DLG2: variants seen among roughly 807,000 people sequenced by gnomAD.
DLG2 encodes discs large MAGUK scaffold protein 2.
A neutral mutation model predicts 132.5 loss-of-function variants in DLG2; 45 were observed. The ratio of observed to expected loss-of-function variants is 0.34; its 90% confidence interval spans 0.27 to 0.44. The LOEUF (loss-of-function observed/expected upper bound fraction) is 0.44, where lower values mean the gene tolerates loss of function less well. DLG2 is among the 20% of genes least tolerant of loss of function. The pLI, the probability that DLG2 is intolerant of heterozygous loss-of-function variation, is 1.00. For synonymous variants in DLG2, 424 were observed against 419.6 expected (o/e 1.01, Z -0.13); for missense variants, 1,045 against 1,196.9 (o/e 0.87, Z 1.87).
At chr11:84,960,164 G>A (rs2052342135) in intron 6 of DLG2, among the ~76,000 whole-genome samples, 1 of 152,168 alleles carries the variant, frequency 6.6e-6, no homozygotes, top group Admixed American at 6.5e-5. Flanking sequence ...GTGGGGATTT[G>A]AACCTACTTC....
At chr11:85,238,323 A>C (rs1236380478) in intron 4 of DLG2, among the ~76,000 whole-genome samples, 2 of 150,452 alleles carry the variant, frequency 1.3e-5, no homozygotes, top group Non-Finnish European at 3.0e-5. Context: ...GGCTCACTGC[A>C]ACCTCTCCCT....
At chr11:85,270,245 G>A (rs1472979876) in intron 4 of DLG2, among the ~76,000 whole-genome samples, 2 of 152,152 alleles carry the variant, frequency 1.3e-5, no homozygotes, top group African/African-American at 4.8e-5. Context: ...TCATGATAGT[G>A]AATAAGTCTC....
At chr11:84,484,591 A>G (rs929125620) in intron 7 of DLG2, among the ~76,000 whole-genome samples, 7 of 152,184 alleles carry the variant, frequency 4.6e-5, no homozygotes, top group African/African-American at 1.7e-4. Flanking sequence ...TAAAATTAAT[A>G]AACTCTAGTA....
chr11:84,693,843 T>A (rs938740704), intron 6 of DLG2, among the ~76,000 whole-genome samples: 1 of 151,722 alleles, frequency 6.6e-6, no homozygotes, highest in Non-Finnish European at 1.5e-5. Flanking sequence ...TCTTCTTGAC[T>A]ACTACTCATC....
intron 3 of DLG2, among the ~76,000 whole-genome samples, chr11:85,583,600 G>T (rs1028151537): frequency 1.3e-5 from 2 of 152,152 alleles, no homozygotes; most frequent in African/African-American, 4.8e-5. Context: ...TGATGTAAAA[G>T]TGAAATGTTT....
At chr11:84,798,173 G>A (rs1377575742) in intron 6 of DLG2, among the ~76,000 whole-genome samples, 2 of 152,076 alleles carry the variant, frequency 1.3e-5, no homozygotes, top group African/African-American at 4.8e-5. Context: ...ACCACTGCTT[G>A]GCTACCACCT....
At chr11:85,354,380 G>C (rs930317785) in intron 3 of DLG2, among the ~76,000 whole-genome samples, 1 of 151,948 alleles carries the variant, frequency 6.6e-6, no homozygotes, top group Non-Finnish European at 1.5e-5. Context: ...TCAAAACTCA[G>C]ATATACGACA....
intron 18 of DLG2, among the ~76,000 whole-genome samples, chr11:83,686,681 T>A (rs543751758): frequency 6.6e-6 from 1 of 152,344 alleles, no homozygotes; most frequent in South Asian, 2.1e-4. Context: ...CCCTACATTA[T>A]AAATTTCTCA....
intron 7 of DLG2, among the ~76,000 whole-genome samples, chr11:84,528,954 A>C (rs775905733): frequency 6.6e-5 from 10 of 152,210 alleles, no homozygotes; most frequent in Non-Finnish European, 1.0e-4. Context: ...TGAGAGCCTC[A>C]TGTGCCTCCA....
intron 8 of DLG2, among the ~76,000 whole-genome samples, chr11:84,213,743 C>G (rs1464973195): frequency 6.7e-6 from 1 of 148,700 alleles, no homozygotes; most frequent in African/African-American, 2.5e-5. Context: ...GGCGTGAACC[C>G]GAGAGGCGGA....
At chr11:84,624,830 A>T (rs1371020080) in intron 6 of DLG2, among the ~76,000 whole-genome samples, 1 of 142,874 alleles carries the variant, frequency 7.0e-6, no homozygotes, top group Admixed American at 6.9e-5. Context: ...CTCTCTTCTG[A>T]GAGTTACCTC....
At chr11:83,763,093 G>A (rs1259321183) in intron 18 of DLG2, among the ~76,000 whole-genome samples, 1 of 152,154 alleles carries the variant, frequency 6.6e-6, no homozygotes, top group Non-Finnish European at 1.5e-5. Flanking sequence ...GCTAGCTTGG[G>A]ACATCAGTTC....
chr11:85,478,010 C>A (rs902496827), intron 3 of DLG2, among the ~76,000 whole-genome samples: 1 of 151,372 alleles, frequency 6.6e-6, no homozygotes, highest in Non-Finnish European at 1.5e-5. Context: ...GGAACAATAG[C>A]ACTTTTTTTT....
chr11:84,698,619 G>T (rs1475339036), intron 6 of DLG2, among the ~76,000 whole-genome samples: 1 of 151,362 alleles, frequency 6.6e-6, no homozygotes, highest in Non-Finnish European at 1.5e-5. Context: ...AAGTTTAATT[G>T]TTCTTTTATA....
intron 5 of DLG2, 130 bp downstream of exon 5, chr11:85,154,426 C>A: frequency 1.9e-6 from 1 of 529,360 alleles, no homozygotes; most frequent in South Asian, 3.6e-5. Context: ...AATATGCTGA[C>A]CAGGCCAAAG....
intron 15 of DLG2, among the ~76,000 whole-genome samples, chr11:83,885,566 G>C (rs1469033009): frequency 6.6e-6 from 1 of 152,144 alleles, no homozygotes; most frequent in Non-Finnish European, 1.5e-5. Context: ...TAGCAAGGCA[G>C]GCCAACATTC....
At chr11:84,451,669 C>T (rs1012748584) in intron 7 of DLG2, among the ~76,000 whole-genome samples, 1 of 151,554 alleles carries the variant, frequency 6.6e-6, no homozygotes, top group African/African-American at 2.4e-5. Flanking sequence ...GCAATGGGGT[C>T]GTAACAATGA....
At chr11:84,719,415 G>A (rs1289039085) in intron 6 of DLG2, among the ~76,000 whole-genome samples, 3 of 152,216 alleles carry the variant, frequency 2.0e-5, no homozygotes, top group South Asian at 4.1e-4. Context: ...ATATAAATAA[G>A]CTGGACAAAT....
intron 6 of DLG2, among the ~76,000 whole-genome samples, chr11:84,911,590 T>C (rs917775985): frequency 2.0e-5 from 3 of 152,154 alleles, no homozygotes; most frequent in African/African-American, 4.8e-5. Flanking sequence ...ATATCCTTAA[T>C]CTTAAAATTG....
Sources: gnomAD v4.1 joint callset for allele counts (sites outside exome capture counted in the v4.1 genomes callset) on GRCh38, gnomAD v4.1.1 for gene constraint, MANE v1.5 for transcripts, NCBI Gene and HGNC (gene_info 2026-07-23, HGNC 2026-07-21) for gene names.